The following RPS14 variants were observed in gnomAD, a reference collection of about 807,000 sequenced individuals.
RPS14 encodes the protein ribosomal protein S14, also known as small ribosomal subunit protein uS11.
RPS14 carries 1 observed loss-of-function variant against 15.4 expected under a neutral mutation model. The observed-to-expected ratio is 0.07, with a 90% CI of 0.02 to 0.31. The LOEUF is 0.31. RPS14 is among the 10% of genes least tolerant of loss of function. The pLI, the probability that RPS14 is intolerant of heterozygous loss-of-function variation, is 1.00. For missense variants in RPS14, 69 were observed against 205.5 expected, an observed-to-expected ratio of 0.34 and a Z score of 4.06; for synonymous variants, 68 against 74.4, an observed-to-expected ratio of 0.91 and a Z score of 0.44.
At chr5:150,444,635 G>A (rs1252674191) in intron 4 of RPS14, 17 of 620,018 alleles carry the variant, frequency 2.7e-5, no homozygotes, top group African/African-American at 3.6e-5. Flanking sequence ...CTAGCCCACC[G>A]TCTTCTCTAG....
At chr5:150,445,427 G>A (rs1048801090) in intron 4 of RPS14, 182 bp downstream of exon 4, 9 of 713,380 alleles carry the variant, frequency 1.3e-5, no homozygotes, top group African/African-American at 1.8e-5. Flanking sequence ...TTCATATCAA[G>A]GTGACAGAGA....
rs116575478 is a variant in RPS14 at position 150,444,094 on chromosome 5, G to A, written c.*192C>T. On this transcript the variant is annotated 3_prime_UTR_variant, in exon 5 of 5. Transcript: ENST00000407193. ...TAGATGACCAAGGCAACTTAATGCC[G>A]CAAGTAGCATGGAAAAGACCCCAAA... 6.6e-3 allele frequency: 5,091 copies of A among 776,368 alleles called. 194 individuals carry two copies. The African/African-American group carries it at 0.081, about 12-fold the overall frequency. The allele number at this position is 776,368 out of a possible 1,614,324, so 48.1% of individuals were successfully genotyped here. A position where few individuals can be genotyped will look rare whatever the true frequency, so the allele number is the denominator to read the frequency against.
At chr5:150,445,820 T>A (rs1221505775) in intron 3 of RPS14, 135 bp from the exon 4 acceptor site, 13 of 716,722 alleles carry the variant, frequency 1.8e-5, no homozygotes, top group Non-Finnish European at 3.1e-5. Context: ...CTGTACACAG[T>A]GGTTCACACC....
chr5:150,447,740 G>A lies in RPS14; in HGVS notation c.-2-5C>T. 6.2e-7 allele frequency: 1 copy of A among 1,611,926 alleles called. No individual in the cohort carries two copies. Among genetic ancestry groups the A allele is most frequent in the East Asian group, 2.2e-5 (1 of 44,786 alleles). ...TCCCCTTTCGAGGTGCCATTTCTGAGTGGAAGGAAAAGAAACTCAAGGTTA... is the reference window on the plus strand; with the variant it reads ...TCCCCTTTCGAGGTGCCATTTCTGAATGGAAGGAAAAGAAACTCAAGGTTA... On this transcript the variant is annotated splice_polypyrimidine_tract_variant and splice_region_variant and intron_variant, in intron 1 of 4. Transcript: ENST00000407193.
At chr5:150,445,706 T>C in intron 3 of RPS14, 21 bp from the exon 4 acceptor site, 1 of 1,591,002 alleles carries the variant, frequency 6.3e-7, no homozygotes, top group Non-Finnish European at 8.6e-7. Context: ...AAGGTTTAAG[T>C]TAAGAAGAGC....
rs1427464961 is a variant in RPS14, at chr5:150,446,629, G to A, written c.311+173C>T. ...ACACAGCTCCTAGTATACAGTGGGT[G>A]CTCAACACTGAGCTGCTGGGGGGTG... is the stretch of plus-strand genomic sequence containing the variant. On this transcript the variant is annotated intron_variant, in intron 3 of 4. Transcript: ENST00000407193. The surrounding 1 kb of genome is among the most constrained non-coding windows in gnomAD (Gnocchi z 4.2). 1.3e-5 allele frequency among the ~76,000 whole-genome samples: 2 copies of A among 152,174 alleles called. No individual in the cohort carries two copies. Among genetic ancestry groups the A allele is most frequent in the Non-Finnish European group, 2.9e-5 (2 of 68,030 alleles).
rs371174747 is a variant in RPS14, at chr5:150,444,945, C to T, written c.389-592G>A. Among the ~76,000 whole-genome samples, 5 of 152,222 alleles carry T rather than the reference C, an allele frequency of 3.3e-5. No homozygotes were observed. The East Asian group carries it at 7.7e-4, about 23-fold the overall frequency. On this transcript the variant is annotated intron_variant, in intron 4 of 4. Transcript: ENST00000407193. ...TGGGAGGATCCTTTGGACAGATCCG[C>T]CCACGAGGCGAAATTTACAGTGAGC... is the stretch of plus-strand genomic sequence containing the variant.
chr5:150,449,140 C>G (rs1771194694), intron 1 of RPS14: 1 of 152,222 alleles, frequency 6.6e-6, no homozygotes, highest in African/African-American at 2.4e-5. Flanking sequence ...AACATTGGTG[C>G]TGGGCCCTGA....
intron 4 of RPS14, 21 bp from the exon 5 acceptor site, chr5:150,444,374 C>A: frequency 6.2e-7 from 1 of 1,602,370 alleles, no homozygotes; most frequent in Middle Eastern, 1.7e-4. Flanking sequence ...GAAGAGAAAG[C>A]GTCATTGCCT....
At chr5:150,447,352 T>C in intron 2 of RPS14, 1 of 573,546 alleles carries the variant, frequency 1.7e-6, no homozygotes. Flanking sequence ...AAGAAGATAA[T>C]TCCCAAGAAA....
intron 1 of RPS14, chr5:150,449,268 C>A (rs1300735439): frequency 6.6e-6 from 1 of 152,232 alleles, no homozygotes; most frequent in Non-Finnish European, 1.5e-5. Context: ...TCACTACAAA[C>A]CCATGGGATC....
intron 4 of RPS14, 88 bp downstream of exon 4, chr5:150,445,521 C>A (rs371776607): frequency 1.6e-6 from 2 of 1,260,716 alleles, no homozygotes. Context: ...ACCAGACCAG[C>A]CGCTGCACAT....
chr5:150,444,173 T>C lies in RPS14; in HGVS notation c.*113A>G, dbSNP rs1431888333. On this transcript the variant is annotated 3_prime_UTR_variant, in exon 5 of 5. Coordinates refer to ENST00000407193, the MANE Select transcript of RPS14 (RefSeq NM_005617.4). Reference sequence around the variant, plus strand: ...GGCTCCTTTCTCCCAAGAAGCCAAATAGGAGGAAGAAATCAAATGCCTGAG... The same window carrying C: ...GGCTCCTTTCTCCCAAGAAGCCAAACAGGAGGAAGAAATCAAATGCCTGAG... 20 of 1,457,638 alleles carry C rather than the reference T, an allele frequency of 1.4e-5. No individual in the cohort carries two copies. The highest frequency in any genetic ancestry group is 1.7e-5 in the Non-Finnish European group (19 of 1,098,756). The allele number at this position is 1,457,638 out of a possible 1,614,324, so 90.3% of individuals were successfully genotyped here.
Position 150,444,356 on chromosome 5 carries a change from G to A in RPS14, c.389-3C>T. On this transcript the variant is annotated splice_region_variant and splice_polypyrimidine_tract_variant and intron_variant, in intron 4 of 4. Coordinates refer to ENST00000407193, the MANE Select transcript of RPS14 (RefSeq NM_005617.4). ...AGAGGGGATGGGGGTGACATCCTCT[G>A]TGGGGAGGAAGAGAAAGCGTCATTG... 1.2e-6 allele frequency: 2 copies of A among 1,608,792 alleles called. No homozygotes were observed. Among genetic ancestry groups the A allele is most frequent in the Non-Finnish European group, 1.7e-6 (2 of 1,176,264 alleles).
chr5:150,447,316 G>C (rs1345368459), intron 2 of RPS14: 12 of 547,310 alleles, frequency 2.2e-5, no homozygotes, highest in Non-Finnish European at 3.3e-5. Context: ...GCAGTCCACT[G>C]CTGCTCCTGC....
chr5:150,445,200 C>T (rs1314183879), intron 4 of RPS14, among the ~76,000 whole-genome samples: 1 of 152,080 alleles, frequency 6.6e-6, no homozygotes, highest in African/African-American at 2.4e-5. Context: ...GAAGCTGGTA[C>T]CCCCCACTTC....
rs954558980 is a variant in RPS14 at position 150,442,701 on chromosome 5, T to G, written c.*1585A>C. 6.6e-6 allele frequency: 1 copy of G among 151,984 alleles called. No individual in the cohort carries two copies. Among genetic ancestry groups the G allele is most frequent in the East Asian group, 1.9e-4 (1 of 5,198 alleles). 9.4% of individuals were successfully genotyped at this position (151,984 alleles called of 1,614,324 possible). On this transcript the variant is annotated 3_prime_UTR_variant, in exon 5 of 5. Coordinates refer to ENST00000407193, the MANE Select transcript of RPS14 (RefSeq NM_005617.4). ...TTATTCATATTTTTTAATTTATTAT[T>G]TACTTATTTAGTTTTTGAGATAGGA... is the stretch of plus-strand genomic sequence containing the variant.
rs762926191 is a variant in RPS14 at position 150,446,953 on chromosome 5, A to C, written c.160T>G (p.Cys54Gly). Residue 54 changes from cysteine (C) to glycine (G), a missense_variant, in exon 3 of 5, where the codon TGC becomes GGC. Coordinates refer to ENST00000407193, the MANE Select transcript of RPS14 (RefSeq NM_005617.4). This position sits in a 1 kb window ranked among gnomAD's most constrained non-coding sequence, Gnocchi z 4.2. ...VTDLSGKETICRVTGGMKVKA... is the reference protein window; with the variant it reads ...VTDLSGKETIGRVTGGMKVKA... Reference sequence around the variant, plus strand: ...ACCTTCATCCCACCAGTCACACGGCAGATGGTTTCCCTGGGGACAAAAGCA... The same window carrying C: ...ACCTTCATCCCACCAGTCACACGGCCGATGGTTTCCCTGGGGACAAAAGCA... 6 of 1,614,062 alleles carry C rather than the reference A, an allele frequency of 3.7e-6. No individual in the cohort carries two copies. Among genetic ancestry groups the C allele is most frequent in the Non-Finnish European group, 5.1e-6 (6 of 1,180,034 alleles).
At position 150,446,026 on chromosome 5, in the gene RPS14, A is replaced by C. The variant is rs1053915448; in HGVS notation, c.312-341T>G. Reference sequence around the variant, plus strand: ...AGGACTGCTAGAGCCTGAAAGCCAGAGACTGCAGTAAGCTGAGATAGCGCC... The same window carrying C: ...AGGACTGCTAGAGCCTGAAAGCCAGCGACTGCAGTAAGCTGAGATAGCGCC... On this transcript the variant is annotated intron_variant, in intron 3 of 4. Transcript: ENST00000407193. The surrounding 1 kb of genome is among the most constrained non-coding windows in gnomAD (Gnocchi z 4.2). Among the ~76,000 whole-genome samples, 1 of 152,026 alleles carries C rather than the reference A, an allele frequency of 6.6e-6. No homozygotes were observed. The highest frequency in any genetic ancestry group is 2.4e-5 in the African/African-American group (1 of 41,376).
Sources: allele counts gnomAD v4.1 joint callset (sites outside exome capture counted in the v4.1 genomes callset), GRCh38; gene constraint gnomAD v4.1.1; non-coding constraint Gnocchi (gnomAD v3.1); transcripts MANE v1.5; gene names NCBI Gene and HGNC (gene_info 2026-07-23, HGNC 2026-07-21).